The following CERS6 variants were observed in gnomAD, a reference collection of about 807,000 sequenced individuals.
CERS6 encodes the protein ceramide synthase 6.
CERS6 carries 26 observed loss-of-function variants against 56.8 expected under a neutral mutation model. That is an observed-to-expected ratio of 0.46 (90% confidence interval 0.34 to 0.63). CERS6 has a LOEUF of 0.63. Among genes scored for constraint, CERS6 ranks in the 30% least tolerant of loss-of-function variants. CERS6 has a pLI of 0.01. For missense variants in CERS6, 415 were observed against 467.5 expected, an observed-to-expected ratio of 0.89 and a Z score of 1.04; for synonymous variants, 164 against 173.3, an observed-to-expected ratio of 0.95 and a Z score of 0.42.
chr2:168,547,509 A>G, intron 1 of CERS6, 87 bp from the exon 2 acceptor site: 1 of 680,222 alleles, frequency 1.5e-6, no homozygotes, highest in Middle Eastern at 3.0e-4. Flanking sequence ...TATTGGGATA[A>G]TTGAGTAATG....
At chr2:168,493,254 T>C (rs1694405920) in intron 1 of CERS6, among the ~76,000 whole-genome samples, 1 of 152,186 alleles carries the variant, frequency 6.6e-6, no homozygotes, top group Non-Finnish European at 1.5e-5. Flanking sequence ...ATCCACCTTA[T>C]CTGAAACATC....
intron 8 of CERS6, among the ~76,000 whole-genome samples, chr2:168,756,603 G>C (rs541368281): frequency 2.0e-5 from 3 of 152,220 alleles, no homozygotes; most frequent in African/African-American, 7.2e-5. Context: ...ATGAGCCCAA[G>C]GGATAACACA....
At chr2:168,623,898 G>A (rs1308768397) in intron 3 of CERS6, among the ~76,000 whole-genome samples, 1 of 152,156 alleles carries the variant, frequency 6.6e-6, no homozygotes, top group Non-Finnish European at 1.5e-5. Flanking sequence ...CTTTCACAAA[G>A]TTACTTGTTA....
intron 8 of CERS6, among the ~76,000 whole-genome samples, chr2:168,729,050 G>A (rs1204015788): frequency 6.8e-6 from 1 of 147,786 alleles, no homozygotes; most frequent in Non-Finnish European, 1.5e-5. Context: ...TCCTAGTAAC[G>A]CTCTCTACAC....
chr2:168,623,255 TG>T (rs1423586182), intron 3 of CERS6, among the ~76,000 whole-genome samples: 10 of 151,922 alleles, frequency 6.6e-5, no homozygotes, highest in Non-Finnish European at 1.0e-4. Flanking sequence ...GGGATAGGAG[TG>T]GGGGAAAGAG....
chr2:168,644,596 G>A (rs548933755), intron 4 of CERS6, among the ~76,000 whole-genome samples: 1 of 152,216 alleles, frequency 6.6e-6, no homozygotes, highest in African/African-American at 2.4e-5. Context: ...GTTGTCCCTG[G>A]CATTGGTCCA....
At chr2:168,594,191 C>T (rs879588319) in intron 3 of CERS6, among the ~76,000 whole-genome samples, 2 of 152,160 alleles carry the variant, frequency 1.3e-5, no homozygotes, top group Non-Finnish European at 2.9e-5. Context: ...ATTCCTAAAG[C>T]AGAGTTTATA....
At chr2:168,672,530 G>A (rs6741851) in intron 4 of CERS6, among the ~76,000 whole-genome samples, 7,485 of 152,316 alleles carry the variant, frequency 0.049, 446 homozygotes, top group African/African-American at 0.14. Context: ...TACTTAGTGT[G>A]TTCTACTTCA....
chr2:168,674,750 A>C (rs1392516510), intron 4 of CERS6, among the ~76,000 whole-genome samples: 1 of 152,100 alleles, frequency 6.6e-6, no homozygotes, highest in Non-Finnish European at 1.5e-5. Flanking sequence ...GCTCGGCTCC[A>C]TGTGATATTC....
chr2:168,617,158 G>A (rs1001951751), intron 3 of CERS6, among the ~76,000 whole-genome samples: 7 of 152,020 alleles, frequency 4.6e-5, no homozygotes, highest in South Asian at 2.1e-4. Flanking sequence ...AAATCAAGAC[G>A]GAAATTTAAA....
chr2:168,464,268 T>C (rs1354509912), intron 1 of CERS6, among the ~76,000 whole-genome samples: 1 of 149,508 alleles, frequency 6.7e-6, no homozygotes, highest in Non-Finnish European at 1.5e-5. Context: ...TCTCAGCTAC[T>C]GCAACCTCTG....
At chr2:168,677,274 G>A (rs746707177) in intron 4 of CERS6, among the ~76,000 whole-genome samples, 3 of 151,814 alleles carry the variant, frequency 2.0e-5, no homozygotes, top group Non-Finnish European at 4.4e-5. Context: ...GCAGTGTTTG[G>A]TTTTCTGTTC....
At chr2:168,720,219 C>T (rs888248753) in intron 8 of CERS6, among the ~76,000 whole-genome samples, 1 of 151,938 alleles carries the variant, frequency 6.6e-6, no homozygotes, top group African/African-American at 2.4e-5. Context: ...CATGAGCCAC[C>T]GTGCCTGGCC....
chr2:168,577,473 T>A (rs1683301733), intron 3 of CERS6, among the ~76,000 whole-genome samples: 1 of 151,986 alleles, frequency 6.6e-6, no homozygotes, highest in South Asian at 2.1e-4. Flanking sequence ...AGAGGAGGAA[T>A]TTGGGGTTAA....
At chr2:168,616,336 A>G (rs1388362872) in intron 3 of CERS6, among the ~76,000 whole-genome samples, 1 of 152,242 alleles carries the variant, frequency 6.6e-6, no homozygotes, top group Non-Finnish European at 1.5e-5. Flanking sequence ...TAAAAATCCA[A>G]GGTATACAGG....
chr2:168,524,612 CAG>C (rs1206539681), intron 1 of CERS6, among the ~76,000 whole-genome samples: 36 of 152,214 alleles, frequency 2.4e-4, no homozygotes, highest in African/African-American at 5.1e-4. Context: ...CTGTAGCACT[CAG>C]GGGGTTGGGA....
intron 2 of CERS6, among the ~76,000 whole-genome samples, chr2:168,559,508 G>C (rs1306924395): frequency 1.3e-5 from 2 of 151,866 alleles, no homozygotes; most frequent in African/African-American, 4.8e-5. Context: ...CAGACTGAGA[G>C]AGACAGAGAG....
At chr2:168,616,822 G>A (rs1684329849) in intron 3 of CERS6, among the ~76,000 whole-genome samples, 1 of 152,106 alleles carries the variant, frequency 6.6e-6, no homozygotes, top group Non-Finnish European at 1.5e-5. Context: ...CATTAGACAG[G>A]TCATCAAGAC....
At chr2:168,496,368 CATATT>C (rs1335227666) in intron 1 of CERS6, among the ~76,000 whole-genome samples, 1 of 150,712 alleles carries the variant, frequency 6.6e-6, no homozygotes, top group African/African-American at 2.4e-5. Flanking sequence ...AAAATGGTAA[CATATT>C]GTATGTAAAA....
Sources: allele counts gnomAD v4.1 joint callset (sites outside exome capture counted in the v4.1 genomes callset), GRCh38; gene constraint gnomAD v4.1.1; transcripts MANE v1.5; gene names NCBI Gene and HGNC (gene_info 2026-07-23, HGNC 2026-07-21).